The following ERC2 variants were observed in gnomAD, a reference collection of about 807,000 sequenced individuals.
ERC2 encodes the protein ERC protein 2.
ERC2 carries 42 observed loss-of-function variants against 114.8 expected under a neutral mutation model. That is an observed-to-expected ratio of 0.37 (90% CI 0.29 to 0.47). The LOEUF (loss-of-function observed/expected upper bound fraction) is 0.47. Among genes scored for constraint, ERC2 ranks in the 20% least tolerant of loss-of-function variants. The pLI is 0.99. For missense variants in ERC2, 939 were observed against 1,150.7 expected, an observed-to-expected ratio of 0.82 and a Z score of 2.66; for synonymous variants, 454 against 425.5, an observed-to-expected ratio of 1.07 and a Z score of -0.82.
At chr3:55,708,987 T>C (rs1319737191) in intron 15 of ERC2, among the ~76,000 whole-genome samples, 2 of 152,040 alleles carry the variant, frequency 1.3e-5, no homozygotes, top group Non-Finnish European at 2.9e-5. Context: ...GACTCTAGAA[T>C]TGTGCTGACA....
chr3:56,440,484 C>G (rs2062243004), intron 1 of ERC2, among the ~76,000 whole-genome samples: 1 of 149,904 alleles, frequency 6.7e-6, no homozygotes, highest in Non-Finnish European at 1.5e-5. Flanking sequence ...GGAGGCGGAG[C>G]TTGCAGTGAG....
chr3:55,766,084 A>C (rs143410204), intron 14 of ERC2, among the ~76,000 whole-genome samples: 1 of 152,340 alleles, frequency 6.6e-6, no homozygotes, highest in East Asian at 1.9e-4. Flanking sequence ...AACTGTGTGA[A>C]GCTACCAAGG....
intron 17 of ERC2, among the ~76,000 whole-genome samples, chr3:55,544,187 G>A (rs1298694500): frequency 6.6e-6 from 1 of 152,120 alleles, no homozygotes; most frequent in Non-Finnish European, 1.5e-5. Flanking sequence ...CTAAGTCTAG[G>A]CCTCCAAGCT....
chr3:56,230,053 A>G (rs2050516636), intron 3 of ERC2, among the ~76,000 whole-genome samples: 1 of 151,594 alleles, frequency 6.6e-6, no homozygotes, highest in Admixed American at 6.6e-5. Context: ...TTTAGTAGAG[A>G]CAGGGTTTCA....
chr3:55,683,707 A>G, intron 17 of ERC2, 87 bp downstream of exon 17: 1 of 1,092,228 alleles, frequency 9.2e-7, no homozygotes, highest in Non-Finnish European at 1.3e-6. Flanking sequence ...CAATTCACAA[A>G]CATCAGCGAG....
chr3:55,517,355 C>T (rs531642540), intron 17 of ERC2, among the ~76,000 whole-genome samples: 1 of 145,962 alleles, frequency 6.9e-6, no homozygotes, highest in South Asian at 2.2e-4. Flanking sequence ...GCAGGAGAAT[C>T]GCTTGAACCA....
intron 3 of ERC2, among the ~76,000 whole-genome samples, chr3:56,265,639 G>A (rs1348802348): frequency 1.3e-5 from 2 of 152,066 alleles, no homozygotes; most frequent in South Asian, 4.1e-4. Context: ...GCATAGCAAA[G>A]GAAACAACAA....
At chr3:55,771,010 G>A (rs2068161275) in intron 14 of ERC2, among the ~76,000 whole-genome samples, 1 of 152,212 alleles carries the variant, frequency 6.6e-6, no homozygotes. Context: ...ATTCTATGGT[G>A]TATATGTGCC....
intron 17 of ERC2, among the ~76,000 whole-genome samples, chr3:55,635,272 C>G (rs1487359731): frequency 6.6e-6 from 1 of 152,132 alleles, no homozygotes; most frequent in Non-Finnish European, 1.5e-5. Flanking sequence ...AATATTTAGA[C>G]AAATCCTCCA....
At chr3:56,405,887 CTTTTTTTTTTTTT>C (rs72095902) in intron 2 of ERC2, among the ~76,000 whole-genome samples, 1 of 85,206 alleles carries the variant, frequency 1.2e-5, no homozygotes, top group Non-Finnish European at 2.2e-5. Context: ...ACTTTTTTTT[CTTTTTTTTTTTTT>C]TTTTTTTTTT....
chr3:55,533,329 C>A (rs2053785262), intron 17 of ERC2, among the ~76,000 whole-genome samples: 1 of 152,174 alleles, frequency 6.6e-6, no homozygotes, highest in African/African-American at 2.4e-5. Context: ...CTAACCAGGG[C>A]TCATGACCGT....
chr3:56,455,337 C>T (rs1348334728), intron 1 of ERC2, among the ~76,000 whole-genome samples: 2 of 152,164 alleles, frequency 1.3e-5, no homozygotes, highest in Non-Finnish European at 2.9e-5. Flanking sequence ...TAAAAATACC[C>T]TAAGGCAGGT....
At chr3:56,285,627 A>G (rs751194651) in intron 3 of ERC2, among the ~76,000 whole-genome samples, 4 of 152,182 alleles carry the variant, frequency 2.6e-5, no homozygotes, top group Non-Finnish European at 5.9e-5. Context: ...AGAGAGTGAT[A>G]AGGGAACTGG....
chr3:56,152,638 T>A (rs1244165148), intron 4 of ERC2, among the ~76,000 whole-genome samples: 1 of 152,150 alleles, frequency 6.6e-6, no homozygotes, highest in African/African-American at 2.4e-5. Context: ...TTATATTATA[T>A]TTTGGTTATG....
chr3:56,118,940 T>C (rs1204130181), intron 6 of ERC2, among the ~76,000 whole-genome samples: 1 of 152,182 alleles, frequency 6.6e-6, no homozygotes, highest in Admixed American at 6.5e-5. Flanking sequence ...CCGGCCACAG[T>C]AATATTCTTA....
At chr3:55,542,518 A>T (rs1421231151) in intron 17 of ERC2, among the ~76,000 whole-genome samples, 1 of 152,242 alleles carries the variant, frequency 6.6e-6, no homozygotes, top group African/African-American at 2.4e-5. Flanking sequence ...TCTCTTTCTC[A>T]TGCCTTGAAA....
chr3:55,808,755 A>AAAAT (rs2059601003), intron 14 of ERC2, among the ~76,000 whole-genome samples: 1 of 100,832 alleles, frequency 9.9e-6, no homozygotes, highest in African/African-American at 4.7e-5. Flanking sequence ...CGTATAACTA[A>AAAAT]ACATATATAT....
At position 55,674,092 on chromosome 3, in the gene ERC2, T is replaced by C. The variant is rs142436929; in HGVS notation, c.*39+9702A>G. On this transcript the variant is annotated intron_variant, in intron 17 of 17. Coordinates refer to ENST00000288221, the MANE Select transcript of ERC2 (RefSeq NM_015576.3). ...AAAGGGCTCTAGTGTGCGTGGCCACTCCAGCCTGCCCTGACCTCCCGACTG... is the reference window on the plus strand; with the variant it reads ...AAAGGGCTCTAGTGTGCGTGGCCACCCCAGCCTGCCCTGACCTCCCGACTG... Among the ~76,000 whole-genome samples, 542 of 152,302 alleles carry C rather than the reference T, an allele frequency of 3.6e-3. 3 individuals carry two copies. Among genetic ancestry groups the C allele is most frequent in the Admixed American group, 6.9e-3 (105 of 15,296 alleles).
At chr3:56,398,768 A>G (rs1552672) in intron 2 of ERC2, among the ~76,000 whole-genome samples, 140,597 of 152,118 alleles carry the variant, frequency 0.92, 65,235 homozygotes, top group Non-Finnish European at 0.96. Context: ...CTGCAGGCAT[A>G]TACCACCACA....
Sources: allele counts gnomAD v4.1 joint callset (sites outside exome capture counted in the v4.1 genomes callset), GRCh38; gene constraint gnomAD v4.1.1; transcripts MANE v1.5; gene names NCBI Gene and HGNC (gene_info 2026-07-23, HGNC 2026-07-21).